Variants in CRYL1 observed in about 807,000 individuals in gnomAD.
CRYL1 encodes crystallin lambda 1.
CRYL1 carries 29 observed loss-of-function variants against 36.6 expected under a neutral mutation model. That is an observed-to-expected ratio of 0.79 (90% CI 0.59 to 1.08). The LOEUF is 1.08. CRYL1 is among the 50% of genes least tolerant of loss of function. The probability of loss-of-function intolerance (pLI) is 0.00; values close to 1 mark genes in which losing one functional copy is unlikely to be tolerated. For synonymous variants in CRYL1, 152 were observed against 151.5 expected, an observed-to-expected ratio of 1.00 and a Z score of -0.02; for missense variants, 411 against 407.9, an observed-to-expected ratio of 1.01 and a Z score of -0.06.
intron 2 of CRYL1, among the ~76,000 whole-genome samples, chr13:20,511,420 T>C (rs2033916448): frequency 6.6e-6 from 1 of 152,156 alleles, no homozygotes; most frequent in African/African-American, 2.4e-5. Flanking sequence ...ATTGACATTT[T>C]ACCCTCGCAT....
chr13:20,421,395 G>A (rs1238958746), intron 5 of CRYL1, among the ~76,000 whole-genome samples: 3 of 152,156 alleles, frequency 2.0e-5, no homozygotes, highest in Non-Finnish European at 1.5e-5. Flanking sequence ...GAACCAAAGA[G>A]TGTAAGCCCT....
chr13:20,406,732 G>C (rs1189165518), intron 6 of CRYL1, among the ~76,000 whole-genome samples: 1 of 151,914 alleles, frequency 6.6e-6, no homozygotes, highest in Non-Finnish European at 1.5e-5. Flanking sequence ...TTTTGGGGTG[G>C]GGGAGGGCAG....
At chr13:20,441,918 A>G (rs2032358508) in intron 3 of CRYL1, among the ~76,000 whole-genome samples, 1 of 152,158 alleles carries the variant, frequency 6.6e-6, no homozygotes, top group South Asian at 2.1e-4. Flanking sequence ...CATGAGCACC[A>G]CATCTCAAAG....
intron 6 of CRYL1, among the ~76,000 whole-genome samples, chr13:20,408,160 C>T (rs183131959): frequency 1.3e-5 from 2 of 152,276 alleles, no homozygotes; most frequent in Admixed American, 1.3e-4. Context: ...GATCAAATTC[C>T]CACCTGAGTG....
At chr13:20,508,735 G>A (rs1275218677) in intron 2 of CRYL1, among the ~76,000 whole-genome samples, 1 of 151,310 alleles carries the variant, frequency 6.6e-6, no homozygotes, top group Non-Finnish European at 1.5e-5. Flanking sequence ...TGTAGTCCCA[G>A]CTACTCAGGA....
At chr13:20,499,512 G>T (rs1320356654) in intron 2 of CRYL1, among the ~76,000 whole-genome samples, 1 of 151,392 alleles carries the variant, frequency 6.6e-6, no homozygotes, top group Non-Finnish European at 1.5e-5. Context: ...AATTAGCCGG[G>T]CGTGGTGGCA....
intron 3 of CRYL1, among the ~76,000 whole-genome samples, chr13:20,449,949 C>CA (rs1440351679): frequency 9.9e-5 from 15 of 152,014 alleles, no homozygotes; most frequent in East Asian, 1.9e-4. Context: ...ACAGATAACA[C>CA]AAAAAAATGA....
chr13:20,476,701 G>A (rs2033174004), intron 3 of CRYL1, among the ~76,000 whole-genome samples: 1 of 152,190 alleles, frequency 6.6e-6, no homozygotes, highest in Non-Finnish European at 1.5e-5. Context: ...GAAGCTCCCA[G>A]ATTCCCGCTT....
intron 5 of CRYL1, among the ~76,000 whole-genome samples, chr13:20,429,062 CG>C (rs910263562): frequency 6.6e-5 from 10 of 152,154 alleles, no homozygotes; most frequent in Non-Finnish European, 1.0e-4. Context: ...AGTTGCCCCC[CG>C]ACCAATGCTC....
intron 3 of CRYL1, among the ~76,000 whole-genome samples, chr13:20,484,992 G>A (rs899053462): frequency 6.6e-6 from 1 of 152,126 alleles, no homozygotes; most frequent in South Asian, 2.1e-4. Context: ...GTAAACCTGA[G>A]ACACTAATAT....
In CRYL1 at chr13:20,481,798, C is replaced by T. The variant is rs2033283757; in HGVS notation, c.276+7572G>A. On this transcript the variant is annotated intron_variant, in intron 3 of 7. Coordinates refer to ENST00000298248, the MANE Select transcript of CRYL1 (RefSeq NM_015974.3). The surrounding 1 kb of genome is among the most constrained non-coding windows in gnomAD (Gnocchi z 4.1). ...TGGTGGTGGGCGCCTATAATCCCAG[C>T]TACTTGGGAGGCTGAGGTAGGAGAA... Among the ~76,000 whole-genome samples, 1 of 152,022 alleles carries T rather than the reference C, an allele frequency of 6.6e-6. No individual in the cohort carries two copies. The highest frequency in any genetic ancestry group is 2.4e-5 in the African/African-American group (1 of 41,390).
Position 20,433,305 on chromosome 13 carries a change from T to C in CRYL1, c.439-1009A>G, listed in dbSNP as rs144626160. Reference sequence around the variant, plus strand: ...AGATTCCTCACAGAGAGTTATCAAATGTCCAAAGAAAACAGTGCCTGGTAG... The same window carrying C: ...AGATTCCTCACAGAGAGTTATCAAACGTCCAAAGAAAACAGTGCCTGGTAG... On this transcript the variant is annotated intron_variant, in intron 4 of 7. Coordinates refer to ENST00000298248, the MANE Select transcript of CRYL1 (RefSeq NM_015974.3). Among the ~76,000 whole-genome samples, 409 of 152,318 alleles carry C rather than the reference T, an allele frequency of 2.7e-3. 2 individuals are homozygous for C. Among genetic ancestry groups the C allele is most frequent in the African/African-American group, 9.6e-3 (398 of 41,572 alleles).
chr13:20,509,835 C>T (rs897196688), intron 2 of CRYL1, among the ~76,000 whole-genome samples: 1 of 152,182 alleles, frequency 6.6e-6, no homozygotes, highest in Non-Finnish European at 1.5e-5. Flanking sequence ...GAGGCTGAGG[C>T]AGGAGAATCG....
At chr13:20,478,323 A>G (rs1486771643) in intron 3 of CRYL1, among the ~76,000 whole-genome samples, 1 of 152,176 alleles carries the variant, frequency 6.6e-6, no homozygotes, top group Non-Finnish European at 1.5e-5. Context: ...TTGGGCATTA[A>G]TTTAACAACC....
At chr13:20,471,554 GAGATC>G (rs1420607314) in intron 3 of CRYL1, among the ~76,000 whole-genome samples, 4 of 151,866 alleles carry the variant, frequency 2.6e-5, no homozygotes, top group Admixed American at 2.6e-4. Context: ...TCAGTGAGCC[GAGATC>G]GCACCACTGC....
intron 6 of CRYL1, among the ~76,000 whole-genome samples, chr13:20,410,776 G>A (rs977247823): frequency 2.6e-5 from 4 of 152,152 alleles, no homozygotes; most frequent in African/African-American, 9.7e-5. Flanking sequence ...CCACCCTGAG[G>A]AAGCAGTTAC....
At position 20,404,023 on chromosome 13, in the gene CRYL1, G is replaced by C; in HGVS notation, c.*106C>G. 1.3e-6 allele frequency: 1 copy of C among 765,402 alleles called. No homozygotes were observed. The highest frequency in any genetic ancestry group is 2.2e-6 in the Non-Finnish European group (1 of 447,420). 47.4% of individuals were successfully genotyped at this position (765,402 alleles called of 1,614,324 possible). On this transcript the variant is annotated 3_prime_UTR_variant, in exon 8 of 8. Coordinates refer to ENST00000298248, the MANE Select transcript of CRYL1 (RefSeq NM_015974.3). ...GGCTGCACACAAGACAGCCAGCTTA[G>C]GATCTCCGTGGGCTGCTACCTATGT...
intron 1 of CRYL1, among the ~76,000 whole-genome samples, chr13:20,523,077 C>T (rs759382069): frequency 2.0e-5 from 3 of 151,824 alleles, no homozygotes; most frequent in South Asian, 2.1e-4. Context: ...CCACCACGCC[C>T]GGCTAATTTT....
At chr13:20,410,337 AAC>A (rs1375055271) in intron 6 of CRYL1, among the ~76,000 whole-genome samples, 5 of 146,134 alleles carry the variant, frequency 3.4e-5, no homozygotes, top group Non-Finnish European at 6.0e-5. Flanking sequence ...GAACAATGAG[AAC>A]ACATGAACAC....
Sources: allele counts gnomAD v4.1 joint callset (sites outside exome capture counted in the v4.1 genomes callset), GRCh38; gene constraint gnomAD v4.1.1; non-coding constraint Gnocchi (gnomAD v3.1); transcripts MANE v1.5; gene names NCBI Gene and HGNC (gene_info 2026-07-23, HGNC 2026-07-21).